Variants in OCA2 observed in about 807,000 individuals in gnomAD.
OCA2 encodes the protein P protein.
A neutral mutation model predicts 100.2 loss-of-function variants in OCA2; 77 were observed. The ratio of observed to expected loss-of-function variants is 0.77; its 90% CI spans 0.64 to 0.93. The LOEUF (loss-of-function observed/expected upper bound fraction) is 0.93, where lower values mean the gene tolerates loss of function less well. Ranked by LOEUF, OCA2 falls within the 40% of genes least tolerant of loss-of-function variation. The pLI, the probability that OCA2 is intolerant of heterozygous loss-of-function variation, is 0.00. For synonymous variants in OCA2, 432 were observed against 439.2 expected (o/e 0.98, Z 0.21); for missense variants, 1,062 against 1,089.1 (o/e 0.98, Z 0.35).
chr15:27,859,190 T>C (rs1450910606), intron 21 of OCA2, among the ~76,000 whole-genome samples: 3 of 151,838 alleles, frequency 2.0e-5, no homozygotes, highest in Admixed American at 2.0e-4. Flanking sequence ...GAGAGATAAA[T>C]AAGATGAAGA....
the OCA2 span, among the ~76,000 whole-genome samples, chr15:27,727,235 C>G: frequency 6.6e-6 from 1 of 152,198 alleles, no homozygotes; most frequent in African/African-American, 2.4e-5. Context: ...GGTACAGTCT[C>G]CTTGAGGATG....
chr15:28,080,103 T>G (rs200072034), intron 2 of OCA2, among the ~76,000 whole-genome samples: 9 of 152,368 alleles, frequency 5.9e-5, no homozygotes, highest in East Asian at 3.9e-4. Context: ...GGGACAATCC[T>G]GCTGCCTCAT....
intron 2 of OCA2, among the ~76,000 whole-genome samples, chr15:28,044,673 C>T (rs559090421): frequency 1.3e-5 from 2 of 152,276 alleles, no homozygotes; most frequent in Admixed American, 6.5e-5. Flanking sequence ...GTTTTTGCTT[C>T]GTGTATTTTG....
At chr15:27,855,791 G>A (rs1383691664) in intron 21 of OCA2, among the ~76,000 whole-genome samples, 2 of 152,200 alleles carry the variant, frequency 1.3e-5, no homozygotes, top group African/African-American at 2.4e-5. Context: ...GTGGCAGACA[G>A]AAAAATTTAA....
downstream of OCA2, among the ~76,000 whole-genome samples, chr15:27,752,822 C>T (rs1161632477): frequency 7.2e-6 from 1 of 138,698 alleles, no homozygotes; most frequent in East Asian, 2.5e-4. Flanking sequence ...CCCCCAGAGG[C>T]CCACAGCTGC....
intron 1 of OCA2, among the ~76,000 whole-genome samples, chr15:28,083,419 C>T (rs1189383017): frequency 6.6e-6 from 1 of 152,212 alleles, no homozygotes; most frequent in Non-Finnish European, 1.5e-5. Context: ...AGTGATCACT[C>T]ACAAACCAGT....
intron 15 of OCA2, among the ~76,000 whole-genome samples, chr15:27,962,592 G>A (rs943735164): frequency 3.9e-5 from 6 of 152,182 alleles, no homozygotes; most frequent in Admixed American, 1.3e-4. Context: ...TCTACTGTAT[G>A]TTAGGTAGTA....
intron 18 of OCA2, among the ~76,000 whole-genome samples, chr15:27,944,530 C>G (rs908397506): frequency 6.6e-6 from 1 of 152,146 alleles, no homozygotes; most frequent in African/African-American, 2.4e-5. Flanking sequence ...CAGATAACAT[C>G]GCTATTGGAG....
At chr15:27,968,871 G>A (rs2040671659) in intron 14 of OCA2, among the ~76,000 whole-genome samples, 1 of 151,488 alleles carries the variant, frequency 6.6e-6, no homozygotes. Context: ...TTCAATGGGG[G>A]TATTACATTG....
intron 14 of OCA2, among the ~76,000 whole-genome samples, chr15:27,978,444 A>G (rs1385996359): frequency 6.6e-6 from 1 of 152,180 alleles, no homozygotes; most frequent in Non-Finnish European, 1.5e-5. Context: ...AGTACTATCA[A>G]GTTTCACATA....
intron 2 of OCA2, among the ~76,000 whole-genome samples, chr15:28,040,571 A>G (rs1434491946): frequency 1.3e-5 from 2 of 152,322 alleles, no homozygotes; most frequent in East Asian, 3.9e-4. Flanking sequence ...TTTTTTGAAG[A>G]GATTAACAAA....
chr15:27,858,370 C>T (rs1425698942), intron 21 of OCA2, among the ~76,000 whole-genome samples: 1 of 148,302 alleles, frequency 6.7e-6, no homozygotes, highest in African/African-American at 2.5e-5. Flanking sequence ...TGAAACTCTG[C>T]CTCCAAAAAG....
intron 23 of OCA2, among the ~76,000 whole-genome samples, chr15:27,821,495 C>A (rs1215448365): frequency 6.6e-6 from 1 of 152,060 alleles, no homozygotes; most frequent in African/African-American, 2.4e-5. Flanking sequence ...CGCACACCCA[C>A]ACAGGTATAC....
the OCA2 span, among the ~76,000 whole-genome samples, chr15:27,749,576 A>T: frequency 9.9e-5 from 15 of 152,160 alleles, no homozygotes; most frequent in Admixed American, 9.8e-4. Flanking sequence ...TGACATAATG[A>T]TCTATGTAAA....
chr15:27,719,934 T>C, the OCA2 span, among the ~76,000 whole-genome samples: 2 of 152,164 alleles, frequency 1.3e-5, no homozygotes, highest in African/African-American at 4.8e-5. Context: ...CCCACCTTCA[T>C]GGCCCCATCT....
At chr15:27,985,330 G>A (rs2041317782) in intron 12 of OCA2, 142 bp from the exon 13 acceptor site, 1 of 971,924 alleles carries the variant, frequency 1.0e-6, no homozygotes, top group Non-Finnish European at 1.6e-6. Context: ...CGGAGTCCTA[G>A]GGGGGCCGAG....
chr15:28,032,132 A>G lies in OCA2; in HGVS notation c.259T>C (p.Ser87Pro), dbSNP rs2042923523. The change falls in exon 3 of 24, where the codon TCC becomes CCC. Residue 87 changes from serine (S) to proline (P), a missense_variant. By Grantham distance (74) the Ser-to-Pro change is moderately conservative. Coordinates refer to ENST00000354638, the MANE Select transcript of OCA2 (RefSeq NM_000275.3). ...GTAAAGCAGGAATCTTTAGACCTGG[A>G]GCTGGACATCTGGGGCAAAGAAGAG... The part of the protein sequence containing the change: ...SHSSLPQMSS[S>P]RSKDSCFTEN... 1.2e-6 allele frequency: 2 copies of G among 1,614,034 alleles called. No individual in the cohort carries two copies. The highest frequency in any genetic ancestry group is 1.7e-6 in the Non-Finnish European group (2 of 1,179,892).
intron 23 of OCA2, among the ~76,000 whole-genome samples, chr15:27,771,597 G>A (rs911762261): frequency 3.9e-5 from 6 of 152,178 alleles, no homozygotes; most frequent in Admixed American, 1.3e-4. Context: ...GAGAATGGGC[G>A]TGGGAGATCC....
chr15:28,067,576 T>G (rs1228416566), intron 2 of OCA2, among the ~76,000 whole-genome samples: 1 of 152,194 alleles, frequency 6.6e-6, no homozygotes, highest in East Asian at 1.9e-4. Context: ...TATTTCTACC[T>G]TAATTTTTAT....
Sources: allele counts gnomAD v4.1 joint callset (sites outside exome capture counted in the v4.1 genomes callset), GRCh38; gene constraint gnomAD v4.1.1; transcripts MANE v1.5; gene names NCBI Gene and HGNC (gene_info 2026-07-23, HGNC 2026-07-21).